Variants in N4BP1 observed in about 807,000 individuals in gnomAD.
N4BP1 encodes NEDD4 binding protein 1, also known as NEDD4-binding protein 1.
Under a neutral mutation model 70.9 loss-of-function variants are expected in N4BP1, and 21 were observed. That is an observed-to-expected ratio of 0.30 (90% CI 0.21 to 0.43). N4BP1 has a LOEUF of 0.43. N4BP1 is among the 20% of genes least tolerant of loss of function. The probability of loss-of-function intolerance (pLI) is 1.00; values close to 1 mark genes in which losing one functional copy is unlikely to be tolerated. For missense variants in N4BP1, 936 were observed against 1,069.4 expected (o/e 0.88, Z 1.74); for synonymous variants, 387 against 394.6 (o/e 0.98, Z 0.23).
chr16:48,563,798 T>C (rs1401489061), intron 1 of N4BP1, among the ~76,000 whole-genome samples: 1 of 152,218 alleles, frequency 6.6e-6, no homozygotes, highest in Non-Finnish European at 1.5e-5. Context: ...TGATTGTATA[T>C]ATTCATGGGT....
At chr16:48,583,421 A>C (rs114814576) in intron 1 of N4BP1, among the ~76,000 whole-genome samples, 2,546 of 152,296 alleles carry the variant, frequency 0.017, 74 homozygotes, top group African/African-American at 0.058. Context: ...GATTCTGGAG[A>C]TGTTGGTCAA....
chr16:48,607,317 A>C (rs1459833158), intron 1 of N4BP1, among the ~76,000 whole-genome samples: 1 of 152,234 alleles, frequency 6.6e-6, no homozygotes, highest in East Asian at 1.9e-4. Context: ...CTTGAGCAAA[A>C]GCAGAACCCA....
At chr16:48,549,397 A>G (rs1963633617) in intron 4 of N4BP1, among the ~76,000 whole-genome samples, 2 of 152,210 alleles carry the variant, frequency 1.3e-5, no homozygotes, top group South Asian at 4.1e-4. Flanking sequence ...ATGAATGAGA[A>G]CATATATGCA....
At chr16:48,567,802 C>T (rs992865448) in intron 1 of N4BP1, among the ~76,000 whole-genome samples, 1 of 152,112 alleles carries the variant, frequency 6.6e-6, no homozygotes, top group Non-Finnish European at 1.5e-5. Flanking sequence ...ACCTTTCAGA[C>T]CATGAGAGAG....
chr16:48,550,378 G>A (rs1963648740), intron 4 of N4BP1, among the ~76,000 whole-genome samples: 1 of 151,932 alleles, frequency 6.6e-6, no homozygotes, highest in South Asian at 2.1e-4. Context: ...CCAGGCCTGT[G>A]GTGGTACATG....
chr16:48,602,545 A>G (rs1159410810), intron 1 of N4BP1, among the ~76,000 whole-genome samples: 1 of 152,138 alleles, frequency 6.6e-6, no homozygotes, highest in Non-Finnish European at 1.5e-5. Context: ...CCAAAATGTC[A>G]GCCATAAGAA....
chr16:48,579,601 G>A (rs939268832), intron 1 of N4BP1, among the ~76,000 whole-genome samples: 2 of 151,288 alleles, frequency 1.3e-5, no homozygotes, highest in Non-Finnish European at 2.9e-5. Flanking sequence ...TGCTCTGTAA[G>A]ATATTAGCCA....
At chr16:48,588,577 G>A (rs1964282811) in intron 1 of N4BP1, among the ~76,000 whole-genome samples, 2 of 152,160 alleles carry the variant, frequency 1.3e-5, no homozygotes, top group African/African-American at 4.8e-5. Flanking sequence ...TTGCAGGTGT[G>A]AGTCACTGTG....
intron 1 of N4BP1, among the ~76,000 whole-genome samples, chr16:48,602,796 AAAAT>A (rs142256457): frequency 0.27 from 39,985 of 146,570 alleles, 6,579 homozygotes; most frequent in East Asian, 0.77. Flanking sequence ...ATAAAAAATA[AAAAT>A]AAATAAATAA....
chr16:48,575,272 T>C lies in N4BP1; in HGVS notation c.199-12828A>G, dbSNP rs1249085132. On this transcript the variant is annotated intron_variant, in intron 1 of 6. Coordinates refer to ENST00000262384, the MANE Select transcript of N4BP1 (RefSeq NM_153029.4). Reference sequence around the variant, plus strand: ...CCAAATATCCATCATTTGAATTGGCTGTACTTGGTATCTGGACATTTTTAA... The same window carrying C: ...CCAAATATCCATCATTTGAATTGGCCGTACTTGGTATCTGGACATTTTTAA... Among the ~76,000 whole-genome samples, 3 of 152,268 alleles carry C rather than the reference T, an allele frequency of 2.0e-5. No homozygotes were observed. In the East Asian group the frequency reaches 5.8e-4, roughly 29 times the overall value.
chr16:48,601,779 G>A (rs1012510434), intron 1 of N4BP1, among the ~76,000 whole-genome samples: 1 of 152,018 alleles, frequency 6.6e-6, no homozygotes, highest in Non-Finnish European at 1.5e-5. Context: ...GTACAATCAG[G>A]GCGCACTACA....
At chr16:48,592,792 T>A (rs1964356746) in intron 1 of N4BP1, among the ~76,000 whole-genome samples, 1 of 152,240 alleles carries the variant, frequency 6.6e-6, no homozygotes, top group South Asian at 2.1e-4. Context: ...AAACTGCTTC[T>A]TTAACTTTTG....
chr16:48,589,917 T>C lies in N4BP1; in HGVS notation c.198+19858A>G, dbSNP rs116178424. On this transcript the variant is annotated intron_variant, in intron 1 of 6. Transcript: ENST00000262384. ...CTTGGGAAGGAATTCAGTTTACGGT[T>C]TGACTCTGAAACAAAACTGGTAACA... is the stretch of plus-strand genomic sequence containing the variant. Among the ~76,000 whole-genome samples, 773 of 152,316 alleles carry C rather than the reference T, an allele frequency of 5.1e-3. 5 individuals are homozygous for C. The highest frequency in any genetic ancestry group is 0.018 in the African/African-American group (754 of 41,550).
chr16:48,542,967 C>G lies in N4BP1; in HGVS notation c.2628G>C (p.Gln876His). ...PDSEQRLKID[Q>H]ILVAHPYMKD... ...TCATGTATGGGTGGGCCACCAAGAT[C>G]TGGTCTATTTTCAGTCTTTGCTCTG... is the stretch of plus-strand genomic sequence containing the variant. The change falls in exon 7 of 7, where the codon CAG becomes CAC. Residue 876 changes from glutamine to histidine, a missense_variant. By Grantham distance (24) the Gln-to-His change is conservative. Transcript: ENST00000262384. 1.2e-6 allele frequency: 2 copies of G among 1,613,972 alleles called. No individual in the cohort carries two copies. The highest frequency in any genetic ancestry group is 2.2e-5 in the East Asian group (1 of 44,888).
At chr16:48,595,441 A>G (rs1346170198) in intron 1 of N4BP1, among the ~76,000 whole-genome samples, 1 of 130,498 alleles carries the variant, frequency 7.7e-6, no homozygotes, top group Admixed American at 8.4e-5. Flanking sequence ...TGGGCAATAG[A>G]GTGAGACTCT....
Position 48,561,592 on chromosome 16 carries a change from C to T in N4BP1, c.1051G>A (p.Val351Ile), listed in dbSNP as rs1202496952. ...TAGCCCATGGTTTTAAAAAAGTTTACGAGGATGTTGTATTCCATTTCCTCA... is the reference window on the plus strand; with the variant it reads ...TAGCCCATGGTTTTAAAAAAGTTTATGAGGATGTTGTATTCCATTTCCTCA... ...TTEEMEYNIL[V>I]NFFKTMGYSQ... Residue 351 changes from valine (V) to isoleucine (I), a missense_variant, in exon 2 of 7, where the codon GTA becomes ATA. Physicochemically the swap from Val to Ile is conservative, Grantham distance 29. Around this residue, in one of 4 missense-constraint regions of N4BP1, gnomAD observed 515 missense variants for 491.7 expected, o/e 1.05. Coordinates refer to ENST00000262384, the MANE Select transcript of N4BP1 (RefSeq NM_153029.4). The T allele has an allele frequency of 6.8e-6, 11 of 1,613,710 alleles. No individual in the cohort carries two copies. Among genetic ancestry groups the T allele is most frequent in the South Asian group, 2.2e-5 (2 of 91,022 alleles).
chr16:48,608,489 C>T (rs1213774964), intron 1 of N4BP1, among the ~76,000 whole-genome samples: 2 of 152,126 alleles, frequency 1.3e-5, no homozygotes, highest in Admixed American at 6.6e-5. Flanking sequence ...CCTTCCTGCC[C>T]ACCCCGCAGA....
At chr16:48,547,080 G>A (rs1963600943) in intron 5 of N4BP1, among the ~76,000 whole-genome samples, 2 of 152,188 alleles carry the variant, frequency 1.3e-5, no homozygotes, top group Non-Finnish European at 2.9e-5. Flanking sequence ...TCTCACCTGG[G>A]CATTCATAAC....
chr16:48,604,816 T>A (rs554685482), intron 1 of N4BP1, among the ~76,000 whole-genome samples: 1 of 152,272 alleles, frequency 6.6e-6, no homozygotes, highest in South Asian at 2.1e-4. Flanking sequence ...TAAATCTGGA[T>A]TCCTTGCTTC....
Sources: gnomAD v4.1 joint callset for allele counts (sites outside exome capture counted in the v4.1 genomes callset) on GRCh38, gnomAD v4.1.1 for gene constraint, gnomAD v4.1.1 regional missense constraint, MANE v1.5 for transcripts, NCBI Gene and HGNC (gene_info 2026-07-23, HGNC 2026-07-21) for gene names.